PSAT1: variants seen among roughly 807,000 people sequenced by gnomAD.
PSAT1 encodes phosphoserine aminotransferase.
A neutral mutation model predicts 40.3 loss-of-function variants in PSAT1; 41 were observed. The ratio of observed to expected loss-of-function variants is 1.02; its 90% confidence interval spans 0.79 to 1.32. The LOEUF (loss-of-function observed/expected upper bound fraction) is 1.32. PSAT1 is among the 40% of genes most tolerant of loss of function. The probability of loss-of-function intolerance (pLI) is 0.00; values close to 1 mark genes in which losing one functional copy is unlikely to be tolerated. For synonymous variants in PSAT1, 147 were observed against 170.5 expected, an observed-to-expected ratio of 0.86 and a Z score of 1.07; for missense variants, 406 against 455.8, an observed-to-expected ratio of 0.89 and a Z score of 0.99.
At chr9:78,313,006 G>GGT (rs1828289706) in intron 6 of PSAT1, among the ~76,000 whole-genome samples, 1 of 152,108 alleles carries the variant, frequency 6.6e-6, no homozygotes, top group Admixed American at 6.6e-5. Flanking sequence ...GGGACTTTCT[G>GGT]GTGTCCTTTT....
chr9:78,300,603 T>G lies in PSAT1; in HGVS notation c.62T>G (p.Val21Gly), dbSNP rs180707620. The change falls in exon 2 of 9, where the codon GTG (valine) becomes GGG (glycine). Residue 21 changes from valine to glycine, a missense_variant and splice_region_variant. Physicochemically the swap from Val to Gly is moderately radical, Grantham distance 109 (BLOSUM62 -3). Coordinates refer to ENST00000376588, the MANE Select transcript of PSAT1 (RefSeq NM_058179.4). ...CTATTTTCCTTTATTTTTTTCTAGGTGTTGTTAGAGATACAAAAGGAATTA... is the reference window on the plus strand; with the variant it reads ...CTATTTTCCTTTATTTTTTTCTAGGGGTTGTTAGAGATACAAAAGGAATTA... ...GPGPAKLPHS[V>G]LLEIQKELLD... 6.2e-7 allele frequency: 1 copy of G among 1,609,904 alleles called. No homozygotes were observed. Among genetic ancestry groups the G allele is most frequent in the East Asian group, 2.2e-5 (1 of 44,840 alleles).
In PSAT1 at chr9:78,309,386, C is replaced by T. The variant is rs140921850; in HGVS notation, c.740+803C>T. 4.1e-4 allele frequency among the ~76,000 whole-genome samples: 63 copies of T among 152,308 alleles called. 2 individuals are homozygous for T. The East Asian group carries it at 7.3e-3, about 18-fold the overall frequency. ...GTTTTGTTGTTGTTGTTTTTTGAGA[C>T]GGAGTCTCGCTCTGTTGCCAGCCTG... On this transcript the variant is annotated intron_variant, in intron 6 of 8. Coordinates refer to ENST00000376588, the MANE Select transcript of PSAT1 (RefSeq NM_058179.4).
chr9:78,309,199 C>G (rs1361763777), intron 6 of PSAT1, among the ~76,000 whole-genome samples: 1 of 152,170 alleles, frequency 6.6e-6, no homozygotes, highest in Admixed American at 6.5e-5. Context: ...AACCCAAAAG[C>G]TCTCTATACA....
At chr9:78,306,290 T>G in intron 4 of PSAT1, 24 bp from the exon 5 acceptor site, 1 of 1,611,896 alleles carries the variant, frequency 6.2e-7, no homozygotes, top group Non-Finnish European at 8.5e-7. Flanking sequence ...AAGTGCAAAG[T>G]CTCAAACTTG....
rs568475248 is a variant in PSAT1, at chr9:78,311,556, G to A, written c.740+2973G>A. 3.9e-5 allele frequency among the ~76,000 whole-genome samples: 6 copies of A among 152,040 alleles called. No homozygotes were observed. In the East Asian group the frequency reaches 5.8e-4, roughly 15 times the overall value. ...TTTTTAAAAAGGAATGAACACGGCC[G>A]GGTGCGGTGGCTCACACCTGTAATC... On this transcript the variant is annotated intron_variant, in intron 6 of 8. Coordinates refer to ENST00000376588, the MANE Select transcript of PSAT1 (RefSeq NM_058179.4).
intron 7 of PSAT1, among the ~76,000 whole-genome samples, chr9:78,327,461 A>C (rs947589518): frequency 6.6e-6 from 1 of 152,170 alleles, no homozygotes; most frequent in Admixed American, 6.5e-5. Flanking sequence ...AGACTGACTT[A>C]TTTAATGCTT....
intron 7 of PSAT1, among the ~76,000 whole-genome samples, chr9:78,320,147 A>G (rs922890063): frequency 3.4e-5 from 5 of 147,724 alleles, no homozygotes; most frequent in Admixed American, 6.8e-5. Flanking sequence ...TCCATCCATT[A>G]CCCACCCATC....
At chr9:78,300,964 G>T (rs891124398) in intron 2 of PSAT1, among the ~76,000 whole-genome samples, 1 of 152,016 alleles carries the variant, frequency 6.6e-6, no homozygotes, top group South Asian at 2.1e-4. Flanking sequence ...TCTGAAACTC[G>T]TGGCCTGAAG....
At chr9:78,316,762 T>C (rs956953421) in intron 6 of PSAT1, among the ~76,000 whole-genome samples, 2 of 151,938 alleles carry the variant, frequency 1.3e-5, no homozygotes, top group Non-Finnish European at 2.9e-5. Flanking sequence ...TGCCCTACAA[T>C]GGGAGTCAGG....
chr9:78,300,186 C>T (rs192577496), intron 1 of PSAT1, among the ~76,000 whole-genome samples: 16 of 152,296 alleles, frequency 1.1e-4, no homozygotes, highest in African/African-American at 3.9e-4. Flanking sequence ...GCTTCCCAGT[C>T]TAGCACCTTA....
Position 78,297,128 on chromosome 9 carries a change from G to T in PSAT1, c.-83G>T. On this transcript the variant is annotated 5_prime_UTR_variant, in exon 1 of 9. Transcript: ENST00000376588. ...AGGCGGGGGTTCGGGGCCGGCTGCA[G>T]ACTCTCACCGCAGCGGCCAGGAACG... The T allele has an allele frequency of 1.4e-6, 2 of 1,428,282 alleles. No homozygotes were observed. The highest frequency in any genetic ancestry group is 1.9e-5 in the Admixed American group (1 of 51,332). The allele number at this position is 1,428,282 out of a possible 1,614,324, so 88.5% of individuals were successfully genotyped here.
intron 7 of PSAT1, among the ~76,000 whole-genome samples, chr9:78,327,440 A>G (rs1222683475): frequency 6.6e-6 from 1 of 152,166 alleles, no homozygotes; most frequent in Non-Finnish European, 1.5e-5. Flanking sequence ...GGCCACAAAA[A>G]TTCTCTATAA....
At position 78,297,154 on chromosome 9, in the gene PSAT1, C is replaced by G; in HGVS notation, c.-57C>G. On this transcript the variant is annotated 5_prime_UTR_variant, in exon 1 of 9. Transcript: ENST00000376588. The stretch of plus-strand genomic sequence containing the variant: ...ACTCTCACCGCAGCGGCCAGGAACG[C>G]CAGCCGTTCACGCGTTCGGTCCTCC... The G allele has an allele frequency of 1.3e-6, 2 of 1,536,178 alleles. No individual in the cohort carries two copies. Among genetic ancestry groups the G allele is most frequent in the Admixed American group, 1.9e-5 (1 of 53,514 alleles).
At chr9:78,317,602 C>A in intron 6 of PSAT1, 74 bp from the exon 7 acceptor site, 2 of 1,515,778 alleles carry the variant, frequency 1.3e-6, no homozygotes, top group East Asian at 2.3e-5. Flanking sequence ...GCACCTTCAA[C>A]AGCAGTTTGC....
intron 1 of PSAT1, among the ~76,000 whole-genome samples, chr9:78,299,631 G>A (rs763991784): frequency 1.4e-5 from 2 of 144,460 alleles, no homozygotes; most frequent in Non-Finnish European, 3.0e-5. Context: ...TTCTGCCTCC[G>A]CCTCCTGAGT....
intron 8 of PSAT1, among the ~76,000 whole-genome samples, chr9:78,328,406 G>C (rs569124970): frequency 1.3e-5 from 2 of 152,244 alleles, no homozygotes; most frequent in African/African-American, 4.8e-5. Flanking sequence ...CATCTTCCAT[G>C]AGGGTTTTGG....
intron 7 of PSAT1, among the ~76,000 whole-genome samples, chr9:78,325,527 C>T (rs1056035087): frequency 6.6e-6 from 1 of 152,262 alleles, no homozygotes; most frequent in East Asian, 1.9e-4. Context: ...AGCTGTCTGC[C>T]AGATGCCCTT....
At chr9:78,306,632 A>C in intron 5 of PSAT1, 146 bp downstream of exon 5, 1 of 1,009,824 alleles carries the variant, frequency 9.9e-7, no homozygotes, top group Non-Finnish European at 1.6e-6. Context: ...GCAGGCTGCC[A>C]GGTGCGAATT....
chr9:78,326,679 C>T (rs983250789), intron 7 of PSAT1, among the ~76,000 whole-genome samples: 6 of 151,890 alleles, frequency 4.0e-5, no homozygotes, highest in Non-Finnish European at 7.4e-5. Context: ...CATCATAGAA[C>T]ACCTTAAAAC....
Sources: gnomAD v4.1 joint callset for allele counts (sites outside exome capture counted in the v4.1 genomes callset) on GRCh38, gnomAD v4.1.1 for gene constraint, MANE v1.5 for transcripts, NCBI Gene and HGNC (gene_info 2026-07-23, HGNC 2026-07-21) for gene names.